Variants in SLC30A10 observed in about 807,000 individuals in gnomAD.
The protein encoded by SLC30A10 is calcium/manganese antiporter SLC30A10.
A neutral mutation model predicts 21.7 loss-of-function variants in SLC30A10; 8 were observed. The ratio of observed to expected loss-of-function variants is 0.37; its 90% CI spans 0.22 to 0.67. The LOEUF (loss-of-function observed/expected upper bound fraction) is 0.67, where lower values mean the gene tolerates loss of function less well. SLC30A10 is among the 30% of genes least tolerant of loss of function. The probability of loss-of-function intolerance (pLI) is 0.58; values close to 1 mark genes in which losing one functional copy is unlikely to be tolerated. For synonymous variants in SLC30A10, 272 were observed against 279.4 expected (o/e 0.97, Z 0.26); for missense variants, 521 against 642.5 (o/e 0.81, Z 2.04).
intron 2 of SLC30A10, among the ~76,000 whole-genome samples, chr1:219,922,817 G>A (rs924713893): frequency 2.6e-5 from 4 of 152,124 alleles, no homozygotes; most frequent in Non-Finnish European, 5.9e-5. Flanking sequence ...CATGTGATCC[G>A]CACAACACAG....
At chr1:219,945,177 AAGGT>A (rs1337458636) in intron 1 of SLC30A10, among the ~76,000 whole-genome samples, 4 of 152,184 alleles carry the variant, frequency 2.6e-5, no homozygotes, top group Non-Finnish European at 5.9e-5. Flanking sequence ...ATAGGGTGTA[AAGGT>A]AGGAAGGGTG....
Position 219,915,417 on chromosome 1 carries a change from C to T in SLC30A10, c.*32G>A, listed in dbSNP as rs776790737. On this transcript the variant is annotated 3_prime_UTR_variant, in exon 4 of 4. Transcript: ENST00000366926. ...CCAAGCTTGTGGTTCCAAAGTGCCT[C>T]GTCTATATGGTCTGATTATGTGAGT... 6.3e-6 allele frequency: 10 copies of T among 1,588,900 alleles called. No individual in the cohort carries two copies. Among genetic ancestry groups the T allele is most frequent in the Admixed American group, 3.4e-5 (2 of 58,394 alleles).
chr1:219,950,412 G>T (rs1660251735), intron 1 of SLC30A10, among the ~76,000 whole-genome samples: 1 of 152,082 alleles, frequency 6.6e-6, no homozygotes, highest in South Asian at 2.1e-4. Flanking sequence ...GGCCGAGGTG[G>T]GTGGATCACG....
At chr1:219,921,339 G>C (rs1659670921) in intron 2 of SLC30A10, among the ~76,000 whole-genome samples, 1 of 152,092 alleles carries the variant, frequency 6.6e-6, no homozygotes, top group African/African-American at 2.4e-5. Context: ...CTGAGGCACA[G>C]AATACATAAG....
chr1:219,937,371 G>T (rs1435649362), intron 1 of SLC30A10, among the ~76,000 whole-genome samples: 3 of 151,994 alleles, frequency 2.0e-5, no homozygotes, highest in South Asian at 2.1e-4. Flanking sequence ...TCATCATTTA[G>T]TTCAGAAAAA....
chr1:219,940,400 G>C (rs1660105616), intron 1 of SLC30A10, among the ~76,000 whole-genome samples: 1 of 152,164 alleles, frequency 6.6e-6, no homozygotes, highest in Non-Finnish European at 1.5e-5. Flanking sequence ...TGAGGCCTCA[G>C]ACATCGTGGA....
intron 1 of SLC30A10, among the ~76,000 whole-genome samples, chr1:219,934,896 A>T (rs11118462): frequency 0.28 from 43,141 of 152,076 alleles, 6,716 homozygotes; most frequent in East Asian, 0.4. Flanking sequence ...ACGCACTCAT[A>T]GAGAAACCCT....
chr1:219,947,264 C>T (rs1019072667), intron 1 of SLC30A10, among the ~76,000 whole-genome samples: 2 of 152,178 alleles, frequency 1.3e-5, no homozygotes, highest in South Asian at 2.1e-4. Context: ...TGCAATGGCT[C>T]ATGCCTGTGA....
chr1:219,942,239 G>A (rs888909145), intron 1 of SLC30A10, among the ~76,000 whole-genome samples: 3 of 152,200 alleles, frequency 2.0e-5, no homozygotes, highest in Non-Finnish European at 2.9e-5. Context: ...GTTGAAGTCA[G>A]AATCTGACTT....
chr1:219,918,371 G>T lies in SLC30A10; in HGVS notation c.842C>A (p.Pro281His). The T allele has an allele frequency of 6.2e-7, 1 of 1,614,014 alleles. No homozygotes were observed. Among genetic ancestry groups the T allele is most frequent in the Non-Finnish European group, 8.5e-7 (1 of 1,180,012 alleles). ...DPCNWQCYID[P>H]SLTVLMVIII... Reference sequence around the variant, plus strand: ...GATGACCATGAGGACAGTCAGGCTGGGGTCAATGTAACACTGCCAGTTACA... The same window carrying T: ...GATGACCATGAGGACAGTCAGGCTGTGGTCAATGTAACACTGCCAGTTACA... The change falls in exon 3 of 4, where the codon CCC (proline) becomes CAC (histidine). Residue 281 changes from proline (P) to histidine (H), a missense_variant. Pro to His is a moderately conservative substitution (Grantham distance 77). Transcript: ENST00000366926. This position sits in a 1 kb window ranked among gnomAD's most constrained non-coding sequence, Gnocchi z 4.4.
chr1:219,943,783 A>G (rs1398046888), intron 1 of SLC30A10, among the ~76,000 whole-genome samples: 6 of 152,204 alleles, frequency 3.9e-5, no homozygotes, highest in Non-Finnish European at 8.8e-5. Context: ...TTTAAAAATG[A>G]AAACTACAAT....
intron 2 of SLC30A10, among the ~76,000 whole-genome samples, chr1:219,924,126 G>A (rs879710155): frequency 6.6e-6 from 1 of 152,168 alleles, no homozygotes; most frequent in Non-Finnish European, 1.5e-5. Flanking sequence ...AAGAGAAACA[G>A]TAAAGAAAGT....
chr1:219,923,355 C>A (rs1477640564), intron 2 of SLC30A10, among the ~76,000 whole-genome samples: 1 of 152,058 alleles, frequency 6.6e-6, no homozygotes, highest in African/African-American at 2.4e-5. Flanking sequence ...AAAACGAAAC[C>A]CCCAAAAAAC....
Position 219,915,206 on chromosome 1 carries a change from T to C in SLC30A10, c.*243A>G. The C allele has an allele frequency of 1.9e-6, 1 of 532,210 alleles. No homozygotes were observed. 33.0% of individuals were successfully genotyped at this position (532,210 alleles called of 1,614,324 possible). A position where few individuals can be genotyped will look rare whatever the true frequency, so the allele number is the denominator to read the frequency against. ...CACTAGTGCAGTTTGCTTTAGAAAA[T>C]GCATGTTCAAGCTGAAACAGTCAAA... On this transcript the variant is annotated 3_prime_UTR_variant, in exon 4 of 4. Transcript: ENST00000366926.
chr1:219,916,895 C>T (rs1344281052), intron 3 of SLC30A10, among the ~76,000 whole-genome samples: 1 of 150,842 alleles, frequency 6.6e-6, no homozygotes, highest in Non-Finnish European at 1.5e-5. Context: ...AAGTAAAGCA[C>T]TTGGAACACT....
chr1:219,938,493 C>A (rs1660076515), intron 1 of SLC30A10, among the ~76,000 whole-genome samples: 1 of 152,182 alleles, frequency 6.6e-6, no homozygotes, highest in South Asian at 2.1e-4. Context: ...TCCCCAGGGA[C>A]CTGCAATCCT....
At chr1:219,922,188 T>G (rs868193590) in intron 2 of SLC30A10, among the ~76,000 whole-genome samples, 2,902 of 13,352 alleles carry the variant, frequency 0.22, 567 homozygotes, top group East Asian at 0.26. Context: ...TTTTTTTTTT[T>G]TTTTTTTTTT....
exon 1 of SLC30A10, chr1:219,958,583 CCTGGGGCTTGGGTG>C (rs1345765119): frequency 6.5e-6 from 1 of 152,738 alleles, no homozygotes; most frequent in Non-Finnish European, 1.5e-5. Context: ...TCCATGTCTC[CCTGGGGCTTGGGTG>C]CTGCGCAGTA....
chr1:219,929,092 C>A (rs1221568454), upstream of SLC30A10, among the ~76,000 whole-genome samples: 2 of 152,204 alleles, frequency 1.3e-5, no homozygotes, highest in African/African-American at 4.8e-5. Context: ...TGACCTCATC[C>A]GCCACTCAGC....
Sources: allele counts gnomAD v4.1 joint callset (sites outside exome capture counted in the v4.1 genomes callset), GRCh38; gene constraint gnomAD v4.1.1; non-coding constraint Gnocchi (gnomAD v3.1); transcripts MANE v1.5; gene names NCBI Gene and HGNC (gene_info 2026-07-23, HGNC 2026-07-21).